DGKI: variants seen among roughly 807,000 people sequenced by gnomAD.
DGKI encodes diacylglycerol kinase iota.
Under a neutral mutation model 147.5 loss-of-function variants are expected in DGKI, and 55 were observed. The ratio of observed to expected loss-of-function variants is 0.37; its 90% CI spans 0.30 to 0.47. DGKI has a LOEUF of 0.47. Among genes scored for constraint, DGKI ranks in the 20% least tolerant of loss-of-function variants. The pLI is 1.00. For missense variants in DGKI, 1,007 were observed against 1,323.8 expected, an observed-to-expected ratio of 0.76 and a Z score of 3.71; for synonymous variants, 469 against 477.1, an observed-to-expected ratio of 0.98 and a Z score of 0.22.
At chr7:137,782,123 C>G (rs1796537448) in intron 1 of DGKI, among the ~76,000 whole-genome samples, 1 of 152,180 alleles carries the variant, frequency 6.6e-6, no homozygotes, top group Non-Finnish European at 1.5e-5. Flanking sequence ...TAGATCACCT[C>G]TGCAGACTCC....
rs189710657 is a variant in DGKI, at chr7:137,515,173, G to C, written c.2248+6693C>G. 2.4e-4 allele frequency among the ~76,000 whole-genome samples: 36 copies of C among 152,130 alleles called. 1 individual carries two copies. Among genetic ancestry groups the C allele is most frequent in the Admixed American group, 1.4e-3 (21 of 15,260 alleles). On this transcript the variant is annotated intron_variant, in intron 21 of 32. Coordinates refer to ENST00000614521, the MANE Select transcript of DGKI (RefSeq NM_001321708.2). Reference sequence around the variant, plus strand: ...ATATACATGCACTCTTTTTGTTCTGGTCTCTCTTTAAATGTCACTTCTTCA... The same window carrying C: ...ATATACATGCACTCTTTTTGTTCTGCTCTCTCTTTAAATGTCACTTCTTCA...
intron 23 of DGKI, among the ~76,000 whole-genome samples, chr7:137,484,121 G>A (rs1815468666): frequency 6.6e-6 from 1 of 152,004 alleles, no homozygotes; most frequent in African/African-American, 2.4e-5. Context: ...AAAGAACTCT[G>A]GAAGTGTGGG....
rs191480717 is a variant in DGKI at position 137,761,431 on chromosome 7, T to C, written c.402-71429A>G. 2.4e-3 allele frequency among the ~76,000 whole-genome samples: 366 copies of C among 152,358 alleles called. 2 individuals are homozygous for C. The highest frequency in any genetic ancestry group is 8.3e-3 in the African/African-American group (345 of 41,592). On this transcript the variant is annotated intron_variant, in intron 1 of 32. Coordinates refer to ENST00000614521, the MANE Select transcript of DGKI (RefSeq NM_001321708.2). ...AATAGCAGGGGCTACCTCACCTGGTTATTGTGGTGATTAAATAAGACAACA... is the reference window on the plus strand; with the variant it reads ...AATAGCAGGGGCTACCTCACCTGGTCATTGTGGTGATTAAATAAGACAACA...
intron 28 of DGKI, among the ~76,000 whole-genome samples, chr7:137,425,466 A>C (rs1338225803): frequency 6.6e-6 from 1 of 152,208 alleles, no homozygotes; most frequent in Non-Finnish European, 1.5e-5. Context: ...GAGCAGAAAG[A>C]CTGGAAACTC....
chr7:137,840,967 C>T (rs1798527405), intron 1 of DGKI, among the ~76,000 whole-genome samples: 1 of 152,204 alleles, frequency 6.6e-6, no homozygotes, highest in African/African-American at 2.4e-5. Flanking sequence ...TATGCCATGT[C>T]CTTTAAATAA....
intron 10 of DGKI, among the ~76,000 whole-genome samples, chr7:137,603,264 G>T (rs150810714): frequency 6.6e-6 from 1 of 152,100 alleles, no homozygotes; most frequent in Admixed American, 6.5e-5. Flanking sequence ...AGAACGGGTC[G>T]GTTCAAATAG....
chr7:137,533,579 A>G (rs534654726), intron 20 of DGKI, among the ~76,000 whole-genome samples: 26 of 152,234 alleles, frequency 1.7e-4, no homozygotes, highest in African/African-American at 6.0e-4. Flanking sequence ...AAGAAAACAT[A>G]CTTGTTTTAC....
intron 1 of DGKI, among the ~76,000 whole-genome samples, chr7:137,818,991 C>T (rs745439439): frequency 6.6e-5 from 10 of 152,116 alleles, no homozygotes; most frequent in Non-Finnish European, 1.2e-4. Context: ...ACAAAAAGCC[C>T]TCCCAACTGC....
chr7:137,564,288 T>C (rs960850913), intron 19 of DGKI, among the ~76,000 whole-genome samples: 2 of 152,126 alleles, frequency 1.3e-5, no homozygotes, highest in Admixed American at 1.3e-4. Flanking sequence ...GAAGAAAATA[T>C]AGGAGAATGG....
chr7:137,544,889 T>C (rs1817815953), intron 20 of DGKI, among the ~76,000 whole-genome samples: 1 of 152,180 alleles, frequency 6.6e-6, no homozygotes, highest in African/African-American at 2.4e-5. Context: ...AACAGATACA[T>C]GAATGATAAA....
intron 1 of DGKI, chr7:137,722,580 A>G: frequency 1.9e-6 from 3 of 1,579,042 alleles, no homozygotes; most frequent in Non-Finnish European, 2.6e-6. Flanking sequence ...TTGCCACCTC[A>G]ACCAAAATCG....
In DGKI at chr7:137,706,579, A is replaced by AT. The variant is rs374911587; in HGVS notation, c.402-16578dup. Among the ~76,000 whole-genome samples the AT allele has an allele frequency of 1.5e-3, 190 of 122,680 alleles. 2 individuals are homozygous for AT. The South Asian group carries it at 0.022, about 14-fold the overall frequency. The allele number at this position is 122,680 out of a possible 152,430, so 80.5% of individuals were successfully genotyped here. A position where few individuals can be genotyped will look rare whatever the true frequency, so the allele number is the denominator to read the frequency against. On this transcript the variant is annotated intron_variant, in intron 1 of 32. Transcript: ENST00000614521. ...TTTTTTATTTTTTATTTTTATTTTT[A>AT]TTTTTTTTTTTGAGACACAGTCTCG...
intron 1 of DGKI, among the ~76,000 whole-genome samples, chr7:137,776,280 C>T (rs980592126): frequency 3.9e-5 from 6 of 152,144 alleles, no homozygotes; most frequent in East Asian, 1.9e-4. Context: ...ACTTAACTAC[C>T]GACAGCTGCA....
chr7:137,674,693 G>T (rs563488811), intron 3 of DGKI, among the ~76,000 whole-genome samples: 3 of 152,150 alleles, frequency 2.0e-5, no homozygotes, highest in Non-Finnish European at 4.4e-5. Context: ...TTTGTACAGA[G>T]CTTGCCCCAC....
chr7:137,466,824 T>C, intron 25 of DGKI, 78 bp downstream of exon 25: 1 of 1,490,298 alleles, frequency 6.7e-7, no homozygotes, highest in Non-Finnish European at 9.3e-7. Context: ...GTTAGAAAAA[T>C]TTATGAGATT....
intron 1 of DGKI, among the ~76,000 whole-genome samples, chr7:137,837,861 G>A (rs944541221): frequency 1.3e-5 from 2 of 152,160 alleles, no homozygotes; most frequent in South Asian, 4.1e-4. Context: ...GAGGTTGTGC[G>A]CTGTCAGGGA....
chr7:137,517,273 A>AG (rs1816786781), intron 21 of DGKI, among the ~76,000 whole-genome samples: 2 of 104,398 alleles, frequency 1.9e-5, no homozygotes. Context: ...AGAAAGAAAG[A>AG]AAAGAAAAAG....
intron 27 of DGKI, among the ~76,000 whole-genome samples, chr7:137,444,822 A>G (rs1350112794): frequency 6.6e-6 from 1 of 152,222 alleles, no homozygotes; most frequent in Non-Finnish European, 1.5e-5. Context: ...TACTTTGAGT[A>G]GTATAGACCT....
At chr7:137,551,071 A>G (rs914772668) in intron 20 of DGKI, among the ~76,000 whole-genome samples, 2 of 152,228 alleles carry the variant, frequency 1.3e-5, no homozygotes, top group African/African-American at 4.8e-5. Context: ...GAGGAGTTTC[A>G]CTAAATGCAA....
Sources: gnomAD v4.1 joint callset for allele counts (sites outside exome capture counted in the v4.1 genomes callset) on GRCh38, gnomAD v4.1.1 for gene constraint, MANE v1.5 for transcripts, NCBI Gene and HGNC (gene_info 2026-07-23, HGNC 2026-07-21) for gene names.